TJAP1: variants seen among roughly 807,000 people sequenced by gnomAD.
TJAP1 encodes tight junction associated protein 1.
In TJAP1, 27 loss-of-function variants were observed where a neutral mutation model predicts 42.0. The ratio of observed to expected loss-of-function variants is 0.64; its 90% CI spans 0.47 to 0.89. The LOEUF (loss-of-function observed/expected upper bound fraction) is 0.89. TJAP1 is among the 40% of genes least tolerant of loss of function. TJAP1 has a pLI of 0.00. For synonymous variants in TJAP1, 257 were observed against 288.4 expected (o/e 0.89, Z 1.10); for missense variants, 712 against 726.9 (o/e 0.98, Z 0.24).
In TJAP1 at chr6:43,483,163, G is replaced by C. The variant is rs73426723; in HGVS notation, c.-122+4931G>C. Among the ~76,000 whole-genome samples, 765 of 152,054 alleles carry C rather than the reference G, an allele frequency of 5.0e-3. 9 individuals are homozygous for C. Among genetic ancestry groups the C allele is most frequent in the African/African-American group, 0.017 (701 of 41,484 alleles). ...AAGTCTTCCCTTAGAAATGCCATGGGTTCTTCCTTACTTAAGTTAAAGCCC... is the reference window on the plus strand; with the variant it reads ...AAGTCTTCCCTTAGAAATGCCATGGCTTCTTCCTTACTTAAGTTAAAGCCC... On this transcript the variant is annotated intron_variant, in intron 2 of 10. Coordinates refer to ENST00000372449, the Ensembl canonical transcript of TJAP1.
In TJAP1 at chr6:43,501,891, CCACACA is replaced by C. The variant is rs550223728; in HGVS notation, c.290+236_290+241del. The stretch of plus-strand genomic sequence containing the variant: ...GTTCTGCAGGTGTGGGAATGCGGGG[CCACACA>C]CACACACACACACACACACACACAC... On this transcript the variant is annotated intron_variant, in intron 6 of 10. Coordinates refer to ENST00000372449, the Ensembl canonical transcript of TJAP1. Among the ~76,000 whole-genome samples the C allele has an allele frequency of 9.7e-3, 377 of 38,934 alleles. 1 individual carries two copies. The highest frequency in any genetic ancestry group is 0.022 in the South Asian group (22 of 980). The allele number at this position is 38,934 out of a possible 152,430, so 25.5% of individuals were successfully genotyped here. A position where few individuals can be genotyped will look rare whatever the true frequency, so the allele number is the denominator to read the frequency against.
chr6:43,502,343 C>T (rs1301340974), exon 7 of TJAP1: 1 of 1,613,468 alleles, frequency 6.2e-7, no homozygotes, highest in African/African-American at 1.3e-5. Flanking sequence ...ACAAGCTGCA[C>T]ACACTGGTAA....
exon 11 of TJAP1, chr6:43,504,870 C>T (rs1791908001): frequency 6.2e-7 from 1 of 1,614,218 alleles, no homozygotes; most frequent in Non-Finnish European, 8.5e-7. Flanking sequence ...GTGCCTACCT[C>T]AGTCATTGCC....
chr6:43,504,858 T>G, exon 11 of TJAP1: 3 of 1,614,200 alleles, frequency 1.9e-6, no homozygotes, highest in Non-Finnish European at 2.5e-6. Flanking sequence ...CCAGGGGCTG[T>G]GGTGCCTACC....
chr6:43,504,897 C>T lies in TJAP1; in HGVS notation c.716C>T (p.Pro239Leu), dbSNP rs577012593. ...GTCATTGCCCGAGTGTTAGAGAAGC[C>T]GGAGTCTCTACTGCTCAATTCAGCC... Residue 239 changes from proline (P) to leucine (L), a missense_variant, in exon 11 of 11, where the codon CCG becomes CTG. Coordinates refer to ENST00000372449, the Ensembl canonical transcript of TJAP1. The T allele has an allele frequency of 3.1e-6, 5 of 1,614,198 alleles. No homozygotes were observed. The highest frequency in any genetic ancestry group is 3.3e-5 in the Admixed American group (2 of 60,030).
At chr6:43,479,960 C>T (rs2127453716) in intron 2 of TJAP1, among the ~76,000 whole-genome samples, 1 of 151,996 alleles carries the variant, frequency 6.6e-6, no homozygotes, top group Admixed American at 6.6e-5. Context: ...CAGAGCAAGA[C>T]TCCATCCATC....
intron 2 of TJAP1, among the ~76,000 whole-genome samples, chr6:43,482,732 T>C (rs1785569715): frequency 6.6e-6 from 1 of 152,264 alleles, no homozygotes; most frequent in African/African-American, 2.4e-5. Context: ...AGGTGCTTTA[T>C]GATGCCGTGG....
At chr6:43,501,006 T>C in intron 5 of TJAP1, 2 of 562,412 alleles carry the variant, frequency 3.6e-6, no homozygotes, top group Non-Finnish European at 6.3e-6. Context: ...CGAATGGCTC[T>C]GAGGGCCCTG....
chr6:43,489,376 G>C (rs997895188), intron 2 of TJAP1, among the ~76,000 whole-genome samples: 1 of 152,328 alleles, frequency 6.6e-6, no homozygotes, highest in African/African-American at 2.4e-5. Flanking sequence ...TGTGCAGCCC[G>C]TGCTGTTGAC....
At chr6:43,503,552 C>T in intron 9 of TJAP1, 44 bp downstream of exon 9, 4 of 1,611,012 alleles carry the variant, frequency 2.5e-6, no homozygotes, top group Non-Finnish European at 3.4e-6. Flanking sequence ...CTGGGGCTAG[C>T]TTTGTCCTGG....
intron 2 of TJAP1, among the ~76,000 whole-genome samples, chr6:43,487,870 G>GTTTTTTTTTTTTTTTT (rs549444658): frequency 1.4e-5 from 2 of 138,356 alleles, no homozygotes; most frequent in Admixed American, 7.2e-5. Context: ...CCTTCTAGTA[G>GTTTTTTTTTTTTTTTT]TTTTTTTTTT....
chr6:43,478,291 T>C (rs559743738), intron 2 of TJAP1, 59 bp downstream of exon 2: 11 of 152,372 alleles, frequency 7.2e-5, no homozygotes, highest in African/African-American at 2.4e-4. Flanking sequence ...GGAGGATGCA[T>C]GGGCTTAGAG....
intron 6 of TJAP1, 119 bp from the exon 7 acceptor site, chr6:43,502,164 A>T: frequency 2.2e-6 from 2 of 924,476 alleles, no homozygotes; most frequent in Non-Finnish European, 3.3e-6. Flanking sequence ...AATTCCTATT[A>T]GAAAACTGAA....
intron 2 of TJAP1, 44 bp from the exon 3 acceptor site, chr6:43,497,837 C>G (rs1306543879): frequency 6.6e-6 from 1 of 152,280 alleles, no homozygotes; most frequent in Non-Finnish European, 1.5e-5. Context: ...GACAGACAGG[C>G]GGCTGACACC....
At chr6:43,502,076 A>ACACTCTCTCTCTCTCTCTCTCT (rs767085594) in intron 6 of TJAP1, among the ~76,000 whole-genome samples, 1 of 68,930 alleles carries the variant, frequency 1.5e-5, no homozygotes. Context: ...ACACACACAC[A>ACACTCTCTCTCTCTCTCTCTCT]CTCTCTCTCT....
chr6:43,492,546 G>A lies in TJAP1; in HGVS notation c.-121-5335G>A, dbSNP rs555910507. On this transcript the variant is annotated intron_variant, in intron 2 of 10. Coordinates refer to ENST00000372449, the Ensembl canonical transcript of TJAP1. The surrounding 1 kb of genome is among the most constrained non-coding windows in gnomAD (Gnocchi z 4.2). The stretch of plus-strand genomic sequence containing the variant: ...TGTATCTCAGGAACAGCTGCATGCC[G>A]GAAACTGGGGGCTGGTGGCAAGCAG... Among the ~76,000 whole-genome samples, 9 of 152,306 alleles carry A rather than the reference G, an allele frequency of 5.9e-5. No homozygotes were observed. The South Asian group carries it at 6.2e-4, about 11-fold the overall frequency.
chr6:43,502,547 C>G, intron 7 of TJAP1, 41 bp from the exon 8 acceptor site: 1 of 1,551,356 alleles, frequency 6.4e-7, no homozygotes, highest in Non-Finnish European at 8.7e-7. Flanking sequence ...TCCTCGTCTC[C>G]CCCTCATGCT....
chr6:43,499,266 A>AGTGCAGG (rs1789967847), intron 4 of TJAP1, 166 bp downstream of exon 4: 5 of 990,286 alleles, frequency 5.0e-6, no homozygotes, highest in Middle Eastern at 3.1e-4. Context: ...GGTGGGGGTA[A>AGTGCAGG]TGTAGGCTCA....
intron 2 of TJAP1, among the ~76,000 whole-genome samples, chr6:43,481,097 A>G (rs972580385): frequency 5.3e-5 from 8 of 152,276 alleles, no homozygotes; most frequent in Non-Finnish European, 1.0e-4. Flanking sequence ...GGTTAAATGT[A>G]TATCCATATT....
Sources: allele counts gnomAD v4.1 joint callset (sites outside exome capture counted in the v4.1 genomes callset), GRCh38; gene constraint gnomAD v4.1.1; non-coding constraint Gnocchi (gnomAD v3.1); transcripts MANE v1.5; gene names NCBI Gene and HGNC (gene_info 2026-07-23, HGNC 2026-07-21).